LRP1B: variants seen among roughly 807,000 people sequenced by gnomAD.
The protein encoded by LRP1B is low-density lipoprotein receptor-related protein 1B.
In LRP1B, 217 loss-of-function variants were observed where a neutral mutation model predicts 556.6. The observed-to-expected ratio is 0.39, with a 90% CI of 0.35 to 0.44. The LOEUF (loss-of-function observed/expected upper bound fraction) is 0.44, where lower values mean the gene tolerates loss of function less well. Among genes scored for constraint, LRP1B ranks in the 20% least tolerant of loss-of-function variants. LRP1B has a pLI of 1.00. For synonymous variants in LRP1B, 2,047 were observed against 1,865.8 expected, an observed-to-expected ratio of 1.10 and a Z score of -2.50; for missense variants, 5,053 against 5,620.8, an observed-to-expected ratio of 0.90 and a Z score of 3.23.
At position 141,188,438 on chromosome 2, in the gene LRP1B, T is replaced by G. The variant is rs755105386; in HGVS notation, c.996A>C (p.Ala332=). 6.2e-6 allele frequency: 10 copies of G among 1,612,000 alleles called. No individual in the cohort carries two copies. Among genetic ancestry groups the G allele is most frequent in the African/African-American group, 1.3e-5 (1 of 74,822 alleles). ...DLELHNPKAI[A]VDPIAGKLFF... ...TTTCTTACCCTGCTATTGGATCTAC[T>G]GCTATTGCTTTAGGATTGTGAAGCT... is the stretch of plus-strand genomic sequence containing the variant. The change falls in exon 7 of 91, where the codon GCA becomes GCC. Residue 332 remains alanine (A), a synonymous_variant. Coordinates refer to ENST00000389484, the MANE Select transcript of LRP1B (RefSeq NM_018557.3).
At chr2:141,630,917 T>C (rs1225332098) in intron 2 of LRP1B, among the ~76,000 whole-genome samples, 2 of 152,206 alleles carry the variant, frequency 1.3e-5, no homozygotes, top group African/African-American at 4.8e-5. Context: ...TTTTTCATTC[T>C]TTAAGAAACA....
intron 66 of LRP1B, among the ~76,000 whole-genome samples, chr2:140,413,234 G>C (rs1194398258): frequency 6.6e-6 from 1 of 152,062 alleles, no homozygotes; most frequent in Non-Finnish European, 1.5e-5. Context: ...CTATCCTCAA[G>C]GTTATATTTG....
intron 83 of LRP1B, among the ~76,000 whole-genome samples, chr2:140,307,529 T>C (rs1684119512): frequency 6.6e-6 from 1 of 151,828 alleles, no homozygotes. Flanking sequence ...AATTCATATA[T>C]ATCAGTTGAA....
intron 2 of LRP1B, among the ~76,000 whole-genome samples, chr2:141,663,827 A>G (rs534547130): frequency 6.6e-6 from 1 of 152,146 alleles, no homozygotes; most frequent in African/African-American, 2.4e-5. Flanking sequence ...ACTCCTCCCT[A>G]ATTCATTTCA....
chr2:140,769,392 A>G, intron 34 of LRP1B, 48 bp from the exon 35 acceptor site: 1 of 1,480,684 alleles, frequency 6.8e-7, no homozygotes, highest in Non-Finnish European at 9.1e-7. Flanking sequence ...CCCAGAATGA[A>G]TATTTAAAAT....
chr2:140,885,078 A>C (rs1248432003), intron 24 of LRP1B, among the ~76,000 whole-genome samples: 3 of 152,162 alleles, frequency 2.0e-5, no homozygotes, highest in Non-Finnish European at 4.4e-5. Context: ...TAACATTGCT[A>C]CCACAGCAGT....
At chr2:141,597,491 T>G (rs1687567141) in intron 2 of LRP1B, among the ~76,000 whole-genome samples, 1 of 152,110 alleles carries the variant, frequency 6.6e-6, no homozygotes, top group Non-Finnish European at 1.5e-5. Flanking sequence ...AATGGTCAAC[T>G]CATATTCTAA....
At position 141,229,640 on chromosome 2, in the gene LRP1B, T is replaced by C. The variant is rs111961335; in HGVS notation, c.593-200A>G. ...TCTGAAAAAAAAATTCTGCAGCACA[T>C]TTGTATTCCTTATTTCCTTAGTCAT... On this transcript the variant is annotated intron_variant, in intron 5 of 90. Coordinates refer to ENST00000389484, the MANE Select transcript of LRP1B (RefSeq NM_018557.3). 6.9e-3 allele frequency among the ~76,000 whole-genome samples: 1,054 copies of C among 152,264 alleles called. 13 individuals are homozygous for C. The highest frequency in any genetic ancestry group is 0.023 in the African/African-American group (975 of 41,562).
intron 3 of LRP1B, among the ~76,000 whole-genome samples, chr2:141,294,718 T>A (rs954917458): frequency 2.5e-4 from 37 of 145,360 alleles, no homozygotes; most frequent in African/African-American, 9.0e-4. Flanking sequence ...CCAGCCTGGT[T>A]GACAGAATGA....
Position 141,913,292 on chromosome 2 carries a change from T to G in LRP1B, c.83-102891A>C, listed in dbSNP as rs575914564. ...CTAACAGAAATTGATTGGACCCTGG[T>G]TGAATTTTTGGAGAGACAGTGAGTT... On this transcript the variant is annotated intron_variant, in intron 1 of 90. Coordinates refer to ENST00000389484, the MANE Select transcript of LRP1B (RefSeq NM_018557.3). 3.2e-4 allele frequency among the ~76,000 whole-genome samples: 49 copies of G among 152,350 alleles called. No individual in the cohort carries two copies. The East Asian group carries it at 9.5e-3, about 29-fold the overall frequency.
chr2:142,005,136 T>C (rs1183886970), intron 1 of LRP1B, among the ~76,000 whole-genome samples: 2 of 149,112 alleles, frequency 1.3e-5, no homozygotes, highest in South Asian at 2.1e-4. Context: ...ATATAGTATA[T>C]ATGTACTGCA....
chr2:140,385,322 C>A (rs548464490), intron 67 of LRP1B, among the ~76,000 whole-genome samples: 19 of 152,196 alleles, frequency 1.2e-4, no homozygotes, highest in Middle Eastern at 6.8e-3. Context: ...CTGCCATACT[C>A]TTCAGAAAGT....
At chr2:140,295,002 T>A (rs905664912) in intron 84 of LRP1B, among the ~76,000 whole-genome samples, 2 of 151,958 alleles carry the variant, frequency 1.3e-5, no homozygotes, top group African/African-American at 4.8e-5. Context: ...TCAGCCTCCC[T>A]AGTAGCTGGG....
At chr2:141,755,450 A>G (rs58259743) in intron 2 of LRP1B, among the ~76,000 whole-genome samples, 38,010 of 151,898 alleles carry the variant, frequency 0.25, 5,335 homozygotes, top group Non-Finnish European at 0.31. Context: ...AAATTAATAC[A>G]ACCATATGTT....
intron 3 of LRP1B, among the ~76,000 whole-genome samples, chr2:141,295,790 C>T (rs201130833): frequency 2.1e-5 from 3 of 141,308 alleles, no homozygotes; most frequent in South Asian, 4.6e-4. Flanking sequence ...CACACACACA[C>T]ATAACAGTGG....
In LRP1B at chr2:141,956,111, A is replaced by G. The variant is rs1033434591; in HGVS notation, c.83-145710T>C. Among the ~76,000 whole-genome samples the G allele has an allele frequency of 2.0e-5, 3 of 151,998 alleles. No homozygotes were observed. The East Asian group carries it at 5.8e-4, about 30-fold the overall frequency. ...ATCTGTTTCTAGCTGGGATACTAAG[A>G]CAGGCATATGCCTAGGAATTGAATT... On this transcript the variant is annotated intron_variant, in intron 1 of 90. Transcript: ENST00000389484.
chr2:140,322,636 C>T (rs972949620), intron 81 of LRP1B, among the ~76,000 whole-genome samples: 18 of 151,810 alleles, frequency 1.2e-4, no homozygotes, highest in Non-Finnish European at 2.2e-4. Context: ...GGCTTCCTTT[C>T]CATCAAGTAG....
chr2:141,184,758 A>T (rs1338465599), intron 7 of LRP1B, among the ~76,000 whole-genome samples: 1 of 151,424 alleles, frequency 6.6e-6, no homozygotes, highest in Admixed American at 6.6e-5. Flanking sequence ...TGGGTAAGAA[A>T]AAAGGTTCCC....
rs749072221 is a variant in LRP1B, at chr2:140,908,019, T to C, written c.3378A>G (p.Ser1126=). ...CDGDIDCEDQ[S]DEDDCDSFLC... The stretch of plus-strand genomic sequence containing the variant: ...AGAAACTGTCACAGTCATCTTCATC[T>C]GACTGATCTTCGCAATCAATATCTC... The change falls in exon 22 of 91, where the codon TCA becomes TCG. Residue 1126 remains serine, a synonymous_variant. Coordinates refer to ENST00000389484, the MANE Select transcript of LRP1B (RefSeq NM_018557.3). 6.2e-7 allele frequency: 1 copy of C among 1,613,566 alleles called. No individual in the cohort carries two copies. The highest frequency in any genetic ancestry group is 8.5e-7 in the Non-Finnish European group (1 of 1,179,698).
Sources: allele counts gnomAD v4.1 joint callset (sites outside exome capture counted in the v4.1 genomes callset), GRCh38; gene constraint gnomAD v4.1.1; transcripts MANE v1.5; gene names NCBI Gene and HGNC (gene_info 2026-07-23, HGNC 2026-07-21).